The following MKI67 variants were observed in gnomAD, a reference collection of about 807,000 sequenced individuals.
MKI67 encodes the protein marker of proliferation Ki-67.
MKI67 carries 152 observed loss-of-function variants against 233.5 expected under a neutral mutation model. That is an observed-to-expected ratio of 0.65 (90% CI 0.57 to 0.74). MKI67 has a LOEUF of 0.74. Ranked by LOEUF, MKI67 falls within the 30% of genes least tolerant of loss-of-function variation. The pLI is 0.00. For synonymous variants in MKI67, 1,465 were observed against 1,418.5 expected, an observed-to-expected ratio of 1.03 and a Z score of -0.74; for missense variants, 3,940 against 3,885.2, an observed-to-expected ratio of 1.01 and a Z score of -0.37.
chr10:128,099,019 C>T lies in MKI67; in HGVS notation c.*171G>A. The T allele has an allele frequency of 3.8e-6, 2 of 532,530 alleles. No homozygotes were observed. The highest frequency in any genetic ancestry group is 6.6e-6 in the Non-Finnish European group (2 of 303,068). The allele number at this position is 532,530 out of a possible 1,614,324, so 33.0% of individuals were successfully genotyped here. On this transcript the variant is annotated 3_prime_UTR_variant, in exon 15 of 15. Transcript: ENST00000368654. ...TTCTCAGTCCAGGAGCCCAGCAGTG[C>T]TCCCAGTGGAGTTTATGAAGCCGAT...
At chr10:128,120,349 G>A (rs192371333) in intron 4 of MKI67, among the ~76,000 whole-genome samples, 30 of 152,040 alleles carry the variant, frequency 2.0e-4, no homozygotes, top group Non-Finnish European at 3.4e-4. Flanking sequence ...AAAATTAGCC[G>A]GGTGTTGTGG....
chr10:128,106,927 C>A lies in MKI67; in HGVS notation c.4913G>T (p.Gly1638Val). 6.2e-7 allele frequency: 1 copy of A among 1,614,040 alleles called. No homozygotes were observed. Among genetic ancestry groups the A allele is most frequent in the Non-Finnish European group, 8.5e-7 (1 of 1,180,016 alleles). ...SSKRRLKTSLGKVGVKEELLA... is the reference protein window; with the variant it reads ...SSKRRLKTSLVKVGVKEELLA... ...GAGCTCTTCTTTCACGCCCACTTTC[C>A]CCAGGGATGTCTTGAGCCGTCGCTT... Residue 1638 changes from glycine (G) to valine (V), a missense_variant, in exon 13 of 15, where the codon GGG (glycine) becomes GTG (valine). Transcript: ENST00000368654.
intron 12 of MKI67, 62 bp from the exon 13 acceptor site, chr10:128,109,485 C>G: frequency 6.6e-7 from 1 of 1,517,044 alleles, no homozygotes; most frequent in Non-Finnish European, 8.8e-7. Context: ...TCGAGTATTA[C>G]AGCCTCATAA....
chr10:128,111,881 C>T (rs375400730), intron 10 of MKI67, 46 bp downstream of exon 10: 82 of 1,604,366 alleles, frequency 5.1e-5, no homozygotes, highest in Admixed American at 3.9e-4. Flanking sequence ...ATGCAAGCTT[C>T]GATGACACCG....
Position 128,105,701 on chromosome 10 carries a change from T to C in MKI67, c.6139A>G (p.Lys2047Glu), listed in dbSNP as rs1852470040. The C allele has an allele frequency of 3.7e-6, 6 of 1,614,152 alleles. No homozygotes were observed. Among genetic ancestry groups the C allele is most frequent in the African/African-American group, 2.7e-5 (2 of 75,032 alleles). Residue 2047 changes from lysine to glutamate, a missense_variant, in exon 13 of 15, where the codon AAG becomes GAG. Lys to Glu is a moderately conservative substitution (Grantham distance 56). Coordinates refer to ENST00000368654, the MANE Select transcript of MKI67 (RefSeq NM_002417.5). ...KSIKAFKESA[K>E]QMLDPANYGT... ...TAGTTTGCTGGGTCCAGCATCTGCT[T>C]TGCAGATTCCTTAAACGCTTTGATG...
At chr10:128,109,853 CGCA>C (rs2136139678) in intron 12 of MKI67, among the ~76,000 whole-genome samples, 1 of 152,140 alleles carries the variant, frequency 6.6e-6, no homozygotes, top group East Asian at 1.9e-4. Flanking sequence ...ATTTACCTAC[CGCA>C]AACATCTTCA....
At position 128,113,596 on chromosome 10, in the gene MKI67, C is replaced by T. The variant is rs748753042; in HGVS notation, c.1487G>A (p.Ser496Asn). 8.2e-5 allele frequency: 133 copies of T among 1,613,778 alleles called. No homozygotes were observed. Among genetic ancestry groups the T allele is most frequent in the Non-Finnish European group, 1.0e-4 (123 of 1,179,730 alleles). ...CCTTCTTTTCAAAGGTATTCCCTCA[C>T]TCTCATCTAAAGTAACGGATACAAA... ...INNFGDSINE[S>N]EGIPLKRRRV... The change falls in exon 8 of 15, where the codon AGT becomes AAT. Residue 496 changes from serine (S) to asparagine (N), a missense_variant. Transcript: ENST00000368654.
Position 128,107,712 on chromosome 10 carries a change from A to G in MKI67, c.4128T>C (p.Ser1376=). Residue 1376 remains serine, a synonymous_variant, in exon 13 of 15, where the codon TCT becomes TCC. Transcript: ENST00000368654. ...TTGGGGTGTCTGCTGATTCTGGTGGAGAAGATTCGCAGGGCATTTTAGTAG... is the reference window on the plus strand; with the variant it reads ...TTGGGGTGTCTGCTGATTCTGGTGGGGAAGATTCGCAGGGCATTTTAGTAG... ...GKTTKMPCES[S]PPESADTPTS... 1.9e-6 allele frequency: 3 copies of G among 1,611,888 alleles called. No homozygotes were observed. Among genetic ancestry groups the G allele is most frequent in the Non-Finnish European group, 2.5e-6 (3 of 1,179,450 alleles).
intron 12 of MKI67, among the ~76,000 whole-genome samples, chr10:128,110,128 GA>G (rs1228711078): frequency 6.6e-6 from 1 of 152,172 alleles, no homozygotes; most frequent in Non-Finnish European, 1.5e-5. Context: ...TTACAATAAA[GA>G]AGCCAAAAGT....
intron 12 of MKI67, 111 bp from the exon 13 acceptor site, chr10:128,109,534 T>C: frequency 8.7e-7 from 1 of 1,150,362 alleles, no homozygotes; most frequent in Admixed American, 2.6e-5. Flanking sequence ...TCGTATTCAC[T>C]GAACGACATG....
chr10:128,112,328 T>G lies in MKI67; in HGVS notation c.1774A>C (p.Ser592Arg), dbSNP rs140641653. 13 of 1,614,100 alleles carry G rather than the reference T, an allele frequency of 8.1e-6. No homozygotes were observed. The African/African-American group carries it at 1.6e-4, about 20-fold the overall frequency. ...TTGCAGGACCTACGGCGTTGATCAC[T>G]GGCAACTGGAGTTTTCCTAGGACTA... The part of the protein sequence containing the change: ...APSPRKTPVA[S>R]DQRRRSCKTA... The change falls in exon 9 of 15, where the codon AGT becomes CGT. Residue 592 changes from serine to arginine, a missense_variant. Coordinates refer to ENST00000368654, the MANE Select transcript of MKI67 (RefSeq NM_002417.5).
At position 128,107,039 on chromosome 10, in the gene MKI67, T is replaced by C. The variant is rs1852517723; in HGVS notation, c.4801A>G (p.Thr1601Ala). The change falls in exon 13 of 15, where the codon ACT (threonine) becomes GCT (alanine). Residue 1601 changes from threonine to alanine, a missense_variant. Coordinates refer to ENST00000368654, the MANE Select transcript of MKI67 (RefSeq NM_002417.5). ...TTATCGTTAGTCATTGATTCCTCAG[T>C]GTGACCTCGTGTCTGGAAGAGCTCT... ...FKELFQTRGH[T>A]EESMTNDKTA... 6 of 1,614,164 alleles carry C rather than the reference T, an allele frequency of 3.7e-6. No homozygotes were observed. The highest frequency in any genetic ancestry group is 2.2e-5 in the East Asian group (1 of 44,878).
intron 4 of MKI67, among the ~76,000 whole-genome samples, chr10:128,121,255 CAT>C (rs1244853893): frequency 6.6e-6 from 1 of 150,416 alleles, no homozygotes; most frequent in Non-Finnish European, 1.5e-5. Context: ...GTGATTTGAA[CAT>C]ATCTCTTAGA....
In MKI67 at chr10:128,106,817, C is replaced by T. The variant is rs757324331; in HGVS notation, c.5023G>A (p.Ala1675Thr). 1.9e-6 allele frequency: 3 copies of T among 1,614,086 alleles called. No homozygotes were observed. The highest frequency in any genetic ancestry group is 2.2e-5 in the South Asian group (2 of 91,082). The part of the protein sequence containing the change: ...EPTGDGKSMK[A>T]FMESPKQILD... ...ATCTGCTTTGGAGACTCCATAAATG[C>T]TTTCATGCTCTTACCATCTCCTGTT... The change falls in exon 13 of 15, where the codon GCA becomes ACA. Residue 1675 changes from alanine (A) to threonine (T), a missense_variant. Physicochemically the swap from Ala to Thr is moderately conservative, Grantham distance 58. Coordinates refer to ENST00000368654, the MANE Select transcript of MKI67 (RefSeq NM_002417.5).
rs369939554 is a variant in MKI67 at position 128,103,423 on chromosome 10, G to A, written c.8417C>T (p.Pro2806Leu). ...AIEDLAGFKDPAAGHTEESMT... is the reference protein window; with the variant it reads ...AIEDLAGFKDLAAGHTEESMT... ...TGATTCTTCAGTGTGACCTGCTGCT[G>A]GGTCTTTGAAGCCAGCTAGGTCTTC... The change falls in exon 13 of 15, where the codon CCA becomes CTA. Residue 2806 changes from proline (P) to leucine (L), a missense_variant. Transcript: ENST00000368654. 34 of 1,612,942 alleles carry A rather than the reference G, an allele frequency of 2.1e-5. No homozygotes were observed. The African/African-American group carries it at 4.3e-4, about 20-fold the overall frequency.
Position 128,118,309 on chromosome 10 carries a change from T to C in MKI67, c.354+944A>G, listed in dbSNP as rs181872667. On this transcript the variant is annotated intron_variant, in intron 5 of 14. Transcript: ENST00000368654. ...TACTCGGGAGGCTGAGGCAGGAGAATTGCTTGAACCCAGGAGGCGGAGGTT... is the reference window on the plus strand; with the variant it reads ...TACTCGGGAGGCTGAGGCAGGAGAACTGCTTGAACCCAGGAGGCGGAGGTT... Among the ~76,000 whole-genome samples, 642 of 151,288 alleles carry C rather than the reference T, an allele frequency of 4.2e-3. 7 individuals are homozygous for C. Among genetic ancestry groups the C allele is most frequent in the Non-Finnish European group, 6.2e-3 (418 of 67,914 alleles).
Position 128,101,326 on chromosome 10 carries a change from T to G in MKI67, c.9637A>C (p.Thr3213Pro). The G allele has an allele frequency of 6.2e-7, 1 of 1,614,206 alleles. No homozygotes were observed. Among genetic ancestry groups the G allele is most frequent in the Non-Finnish European group, 8.5e-7 (1 of 1,180,012 alleles). Residue 3213 changes from threonine to proline, a missense_variant, in exon 14 of 15, where the codon ACT (threonine) becomes CCT (proline). By Grantham distance (38) the Thr-to-Pro change is conservative (BLOSUM62 -1). Transcript: ENST00000368654. Reference protein sequence around the residue: ...RKTKSQPAASTLESKSVQRVT... With the variant: ...RKTKSQPAASPLESKSVQRVT... Reference sequence around the variant, plus strand: ...CTCTGCACAGATTTGCTCTCCAAAGTGCTTGCTGCAGGCTGGCTTTTTGTC... The same window carrying G: ...CTCTGCACAGATTTGCTCTCCAAAGGGCTTGCTGCAGGCTGGCTTTTTGTC...
rs985429966 is a variant in MKI67 at position 128,108,739 on chromosome 10, A to T, written c.3101T>A (p.Val1034Glu). 1 of 1,613,950 alleles carries T rather than the reference A, an allele frequency of 6.2e-7. No individual in the cohort carries two copies. The highest frequency in any genetic ancestry group is 8.5e-7 in the Non-Finnish European group (1 of 1,180,018). ...QLKASLGKVG[V>E]KEELLAVGKF... Reference sequence around the variant, plus strand: ...GCCGACTGCTAGGAGCTCTTCTTTCACACCTACTTTCCCCAGGGATGCCTT... The same window carrying T: ...GCCGACTGCTAGGAGCTCTTCTTTCTCACCTACTTTCCCCAGGGATGCCTT... Residue 1034 changes from valine to glutamate, a missense_variant, in exon 13 of 15, where the codon GTG becomes GAG. Transcript: ENST00000368654.
rs1473397255 is a variant in MKI67 at position 128,104,242 on chromosome 10, A to T, written c.7598T>A (p.Leu2533Gln). The T allele has an allele frequency of 6.2e-7, 1 of 1,614,032 alleles. No homozygotes were observed. The highest frequency in any genetic ancestry group is 8.5e-7 in the Non-Finnish European group (1 of 1,180,016). ...KAFKESPKQI[L>Q]DPAASVTGSR... The stretch of plus-strand genomic sequence containing the variant: ...ACCAGTTACACTTGCTGCTGGGTCC[A>T]GGATCTGCTTTGGAGACTCCTTAAA... The change falls in exon 13 of 15, where the codon CTG becomes CAG. Residue 2533 changes from leucine (L) to glutamine (Q), a missense_variant. By Grantham distance (113) the Leu-to-Gln change is moderately radical (BLOSUM62 -2). Coordinates refer to ENST00000368654, the MANE Select transcript of MKI67 (RefSeq NM_002417.5).
Sources: allele counts gnomAD v4.1 joint callset (sites outside exome capture counted in the v4.1 genomes callset), GRCh38; gene constraint gnomAD v4.1.1; transcripts MANE v1.5; gene names NCBI Gene and HGNC (gene_info 2026-07-23, HGNC 2026-07-21).